SLC13A2: variants seen among roughly 807,000 people sequenced by gnomAD.
SLC13A2 encodes the protein solute carrier family 13 member 2.
Under a neutral mutation model 58.5 loss-of-function variants are expected in SLC13A2, and 40 were observed. The ratio of observed to expected loss-of-function variants is 0.68; its 90% CI spans 0.53 to 0.89. The LOEUF is 0.89. SLC13A2 is among the 40% of genes least tolerant of loss of function. SLC13A2 has a pLI of 0.00. For missense variants in SLC13A2, 694 were observed against 772.6 expected (o/e 0.90, Z 1.21); for synonymous variants, 341 against 331.6 (o/e 1.03, Z -0.31).
intron 1 of SLC13A2, among the ~76,000 whole-genome samples, chr17:28,481,125 G>A (rs1348838126): frequency 6.6e-6 from 1 of 152,248 alleles, no homozygotes; most frequent in Non-Finnish European, 1.5e-5. Context: ...TTTCCTGGAT[G>A]TAATCCAGCA....
chr17:28,486,087 G>A (rs574267407), intron 1 of SLC13A2, among the ~76,000 whole-genome samples: 1 of 152,254 alleles, frequency 6.6e-6, no homozygotes, highest in Non-Finnish European at 1.5e-5. Context: ...TTGAAATACA[G>A]GTATCAAAAT....
Position 28,494,233 on chromosome 17 carries a change from C to T in SLC13A2, c.1186+128C>T. On this transcript the variant is annotated intron_variant, in intron 8 of 11. Coordinates refer to ENST00000314669, the MANE Select transcript of SLC13A2 (RefSeq NM_003984.4). The surrounding 1 kb of genome is among the most constrained non-coding windows in gnomAD (Gnocchi z 4.0). Reference sequence around the variant, plus strand: ...AAAGGCTGGAGCGACTTGCCAAGGGCACAGGGACTCGGAGACAAAGTTGAG... The same window carrying T: ...AAAGGCTGGAGCGACTTGCCAAGGGTACAGGGACTCGGAGACAAAGTTGAG... 1 of 1,487,412 alleles carries T rather than the reference C, an allele frequency of 6.7e-7. No homozygotes were observed. Among genetic ancestry groups the T allele is most frequent in the Non-Finnish European group, 9.3e-7 (1 of 1,074,392 alleles). 92.1% of individuals were successfully genotyped at this position (1,487,412 alleles called of 1,614,324 possible). A position where few individuals can be genotyped will look rare whatever the true frequency, so the allele number is the denominator to read the frequency against.
Position 28,496,424 on chromosome 17 carries a change from C to T in SLC13A2, c.1471-26C>T. The T allele has an allele frequency of 6.3e-7, 1 of 1,582,554 alleles. No homozygotes were observed. The highest frequency in any genetic ancestry group is 8.6e-7 in the Non-Finnish European group (1 of 1,162,186). ...CCTCTGGCTTGGGGACCAAGTTCAGCTCTGCGCCACTGCCTCCCACTCCAG... is the reference window on the plus strand; with the variant it reads ...CCTCTGGCTTGGGGACCAAGTTCAGTTCTGCGCCACTGCCTCCCACTCCAG... On this transcript the variant is annotated intron_variant, in intron 10 of 11. Transcript: ENST00000314669. This position sits in a 1 kb window ranked among gnomAD's most constrained non-coding sequence, Gnocchi z 4.2.
chr17:28,478,638 G>T (rs897215867), intron 1 of SLC13A2, among the ~76,000 whole-genome samples: 1 of 152,154 alleles, frequency 6.6e-6, no homozygotes. Flanking sequence ...GTGTTTGAGG[G>T]GTGGCAACAG....
chr17:28,489,814 T>C (rs1441578176), intron 2 of SLC13A2, among the ~76,000 whole-genome samples: 4 of 152,230 alleles, frequency 2.6e-5, no homozygotes, highest in African/African-American at 9.6e-5. Context: ...GGATCATACT[T>C]TGAGAACCAC....
intron 1 of SLC13A2, among the ~76,000 whole-genome samples, chr17:28,487,103 C>T (rs947896227): frequency 2.6e-5 from 4 of 152,150 alleles, no homozygotes; most frequent in Admixed American, 6.5e-5. Context: ...CAGCCTGGTC[C>T]GATTATTAAC....
chr17:28,491,684 C>A, intron 5 of SLC13A2, 46 bp from the exon 6 acceptor site: 1 of 1,610,010 alleles, frequency 6.2e-7, no homozygotes, highest in East Asian at 2.2e-5. Context: ...TGGGGCTGGG[C>A]AGTTCTCGGG....
At chr17:28,488,356 G>T (rs2068926601) in intron 1 of SLC13A2, among the ~76,000 whole-genome samples, 1 of 152,182 alleles carries the variant, frequency 6.6e-6, no homozygotes, top group Non-Finnish European at 1.5e-5. Flanking sequence ...CAAATAAAGA[G>T]TGGGCAGGTG....
chr17:28,492,313 T>C (rs34480640), intron 6 of SLC13A2, among the ~76,000 whole-genome samples: 8,111 of 152,052 alleles, frequency 0.053, 698 homozygotes, highest in African/African-American at 0.19. Flanking sequence ...TATGGTGGGG[T>C]CACGACAGAG....
At chr17:28,489,021 G>A (rs2068946541) in intron 1 of SLC13A2, among the ~76,000 whole-genome samples, 193 bp from the exon 2 acceptor site, 1 of 152,224 alleles carries the variant, frequency 6.6e-6, no homozygotes, top group Non-Finnish European at 1.5e-5. Flanking sequence ...AAGACAAGGT[G>A]ATATTGAGTG....
Position 28,497,491 on chromosome 17 carries a change from C to T in SLC13A2, c.*222C>T, listed in dbSNP as rs115832012. ...ATGTGTGTGTGCGCATATGTGTGCG[C>T]CTGCATGGATGTGAGGGGTGTGTGA... is the stretch of plus-strand genomic sequence containing the variant. On this transcript the variant is annotated 3_prime_UTR_variant, in exon 12 of 12. Coordinates refer to ENST00000314669, the MANE Select transcript of SLC13A2 (RefSeq NM_003984.4). 9.7e-5 allele frequency: 55 copies of T among 568,460 alleles called. No homozygotes were observed. The highest frequency in any genetic ancestry group is 8.9e-4 in the African/African-American group (48 of 53,786). 35.2% of individuals were successfully genotyped at this position (568,460 alleles called of 1,614,324 possible). A position where few individuals can be genotyped will look rare whatever the true frequency, so the allele number is the denominator to read the frequency against.
At position 28,492,525 on chromosome 17, in the gene SLC13A2, C is replaced by T. The variant is rs537676579; in HGVS notation, c.878+673C>T. ...GCACAGAGGCAAGACAAGACGTGTT[C>T]GAGGGAACTCTAGTTCTGCAGGACT... is the stretch of plus-strand genomic sequence containing the variant. On this transcript the variant is annotated intron_variant, in intron 6 of 11. Coordinates refer to ENST00000314669, the MANE Select transcript of SLC13A2 (RefSeq NM_003984.4). Among the ~76,000 whole-genome samples, 16 of 152,270 alleles carry T rather than the reference C, an allele frequency of 1.1e-4. 1 individual carries two copies. The highest frequency in any genetic ancestry group is 2.2e-4 in the African/African-American group (9 of 41,552).
At chr17:28,492,820 C>T (rs1261241233) in intron 6 of SLC13A2, among the ~76,000 whole-genome samples, 2 of 152,230 alleles carry the variant, frequency 1.3e-5, no homozygotes, top group African/African-American at 2.4e-5. Context: ...ATGAGTGTTA[C>T]TGTGGTATTA....
Position 28,494,978 on chromosome 17 carries a change from G to C in SLC13A2, c.1308+466G>C, listed in dbSNP as rs909827948. 2.0e-5 allele frequency among the ~76,000 whole-genome samples: 3 copies of C among 152,098 alleles called. No individual in the cohort carries two copies. The highest frequency in any genetic ancestry group is 2.9e-5 in the Non-Finnish European group (2 of 68,018). ...TCCAAAAGAGGGAAATCCCTGACAC[G>C]GCATCCCTGGGCCTCCGTGTTCTGG... is the stretch of plus-strand genomic sequence containing the variant. On this transcript the variant is annotated intron_variant, in intron 9 of 11. Coordinates refer to ENST00000314669, the MANE Select transcript of SLC13A2 (RefSeq NM_003984.4). This position sits in a 1 kb window ranked among gnomAD's most constrained non-coding sequence, Gnocchi z 4.0.
chr17:28,474,021 G>A (rs797028757), intron 1 of SLC13A2, among the ~76,000 whole-genome samples: 9 of 152,270 alleles, frequency 5.9e-5, no homozygotes, highest in Admixed American at 1.3e-4. Context: ...GGAGCCCAGC[G>A]TGAATTACTT....
chr17:28,497,367 G>A lies in SLC13A2; in HGVS notation c.*98G>A, dbSNP rs181198189. ...CCAAGCTCCAAGCTCCAAGCTCCAG[G>A]CCAAAGGCTGAAAGGCACGTGTGTA... On this transcript the variant is annotated 3_prime_UTR_variant, in exon 12 of 12. Transcript: ENST00000314669. 486 of 1,405,650 alleles carry A rather than the reference G, an allele frequency of 3.5e-4. 2 individuals are homozygous for A. The African/African-American group carries it at 6.4e-3, about 18-fold the overall frequency. The allele number at this position is 1,405,650 out of a possible 1,614,324, so 87.1% of individuals were successfully genotyped here. A position where few individuals can be genotyped will look rare whatever the true frequency, so the allele number is the denominator to read the frequency against.
Position 28,497,394 on chromosome 17 carries a change from A to G in SLC13A2, c.*125A>G. The G allele has an allele frequency of 2.4e-5, 26 of 1,071,540 alleles. No homozygotes were observed. Among genetic ancestry groups the G allele is most frequent in the Non-Finnish European group, 3.5e-5 (26 of 751,482 alleles). 66.4% of individuals were successfully genotyped at this position (1,071,540 alleles called of 1,614,324 possible). A position where few individuals can be genotyped will look rare whatever the true frequency, so the allele number is the denominator to read the frequency against. On this transcript the variant is annotated 3_prime_UTR_variant, in exon 12 of 12. Transcript: ENST00000314669. ...CAAAGGCTGAAAGGCACGTGTGTAC[A>G]TAATCTCTTGCGTGTCTGTAAGGAA... is the stretch of plus-strand genomic sequence containing the variant.
intron 6 of SLC13A2, among the ~76,000 whole-genome samples, chr17:28,492,955 A>G (rs2069057337): frequency 6.6e-6 from 1 of 152,248 alleles, no homozygotes; most frequent in African/African-American, 2.4e-5. Flanking sequence ...GGGAGCTGGT[A>G]CAAGGCAAGG....
At chr17:28,490,269 G>A in intron 2 of SLC13A2, 185 bp from the exon 3 acceptor site, 1 of 1,532,580 alleles carries the variant, frequency 6.5e-7, no homozygotes, top group East Asian at 2.4e-5. Flanking sequence ...GCCAGACCCT[G>A]TCTCCAAAAA....
Sources: allele counts gnomAD v4.1 joint callset (sites outside exome capture counted in the v4.1 genomes callset), GRCh38; gene constraint gnomAD v4.1.1; non-coding constraint Gnocchi (gnomAD v3.1); transcripts MANE v1.5; gene names NCBI Gene and HGNC (gene_info 2026-07-23, HGNC 2026-07-21).